Variants in MGST2 observed in about 807,000 individuals in gnomAD.
The protein encoded by MGST2 is microsomal glutathione S-transferase 2, also known as glutathione peroxidase MGST2.
Under a neutral mutation model 16.6 loss-of-function variants are expected in MGST2, and 9 were observed. The observed-to-expected ratio is 0.54, with a 90% CI of 0.33 to 0.95. The LOEUF is 0.95. Ranked by LOEUF, MGST2 falls within the 40% of genes least tolerant of loss-of-function variation. The probability of loss-of-function intolerance (pLI) is 0.03; values close to 1 mark genes in which losing one functional copy is unlikely to be tolerated. For missense variants in MGST2, 159 were observed against 175.1 expected (o/e 0.91, Z 0.52); for synonymous variants, 79 against 68.0 (o/e 1.16, Z -0.79).
At chr4:139,722,755 G>T (rs76353954) in intron 5 of MGST2, among the ~76,000 whole-genome samples, 3 of 152,068 alleles carry the variant, frequency 2.0e-5, no homozygotes, top group African/African-American at 7.2e-5. Context: ...TGAGAGTATG[G>T]GATAGGTTCT....
downstream of MGST2, chr4:139,740,847 C>T (rs1397583040): frequency 3.9e-5 from 6 of 152,466 alleles, no homozygotes; most frequent in East Asian, 1.2e-3. Flanking sequence ...CCGCCACAGC[C>T]TTGGGAGGGG....
intron 2 of MGST2, 74 bp downstream of exon 2, chr4:139,678,716 G>A (rs1731089011): frequency 8.6e-7 from 1 of 1,168,342 alleles, no homozygotes; most frequent in African/African-American, 1.5e-5. Context: ...AGGGGAAAGG[G>A]ATATGGAGAA....
chr4:139,726,927 A>G (rs191818472), intron 5 of MGST2, among the ~76,000 whole-genome samples: 13 of 152,200 alleles, frequency 8.5e-5, no homozygotes, highest in African/African-American at 3.1e-4. Context: ...GCCGTCAAGT[A>G]GCTTGCGTGA....
intron 2 of MGST2, among the ~76,000 whole-genome samples, chr4:139,683,425 G>T (rs969194589): frequency 6.6e-5 from 10 of 152,172 alleles, no homozygotes; most frequent in Non-Finnish European, 1.2e-4. Flanking sequence ...TTTTGGGGAA[G>T]TATTAGGAGG....
intron 2 of MGST2, among the ~76,000 whole-genome samples, chr4:139,688,159 C>G (rs765384663): frequency 6.6e-6 from 1 of 152,212 alleles, no homozygotes; most frequent in Non-Finnish European, 1.5e-5. Context: ...TGCTGAAAGA[C>G]CATTATTAAG....
At chr4:139,730,844 G>A in intron 5 of MGST2, 1 of 619,830 alleles carries the variant, frequency 1.6e-6, no homozygotes, top group Non-Finnish European at 2.8e-6. Flanking sequence ...CCTTACCTGA[G>A]TAGAATGAGA....
chr4:139,746,669 G>A, the MGST2 span, among the ~76,000 whole-genome samples: 60 of 152,220 alleles, frequency 3.9e-4, 1 homozygote, highest in Admixed American at 3.7e-3. Flanking sequence ...TTCCGCAGAC[G>A]TTTGACACTG....
At position 139,735,151 on chromosome 4, in the gene MGST2, A is replaced by G. The variant is rs1728884345; in HGVS notation, c.*49-5061A>G. ...TCAAGTGTTACTGCGTACAGCAGGT[A>G]GCCTGGCAACTGAGAGCACAATACC... is the stretch of plus-strand genomic sequence containing the variant. On this transcript the variant is annotated intron_variant, in intron 5 of 5. Coordinates refer to the MGST2 transcript ENST00000616265. The surrounding 1 kb of genome is among the most constrained non-coding windows in gnomAD (Gnocchi z 5.8). Among the ~76,000 whole-genome samples the G allele has an allele frequency of 6.6e-6, 1 of 152,246 alleles. No individual in the cohort carries two copies. Among genetic ancestry groups the G allele is most frequent in the African/African-American group, 2.4e-5 (1 of 41,474 alleles).
intron 1 of MGST2, among the ~76,000 whole-genome samples, chr4:139,672,791 T>C (rs57694939): frequency 0.15 from 22,949 of 152,090 alleles, 1,988 homozygotes; most frequent in East Asian, 0.35. Context: ...CCTCAAGTGA[T>C]CCACTAGCCT....
At position 139,678,591 on chromosome 4, in the gene MGST2, C is replaced by T. The variant is rs762855354; in HGVS notation, c.107C>T (p.Thr36Met). Residue 36 changes from threonine (T) to methionine (M), a missense_variant, in exon 2 of 5, where the codon ACG becomes ATG. Transcript: ENST00000265498. ...VGKARLKYKV[T>M]PPAVTGSPEF... is the part of the protein sequence containing the mutation. Reference sequence around the variant, plus strand: ...AAGGCAAGATTAAAATACAAAGTTACGCCCCCAGCAGTCACTGGGTCACCA... The same window carrying T: ...AAGGCAAGATTAAAATACAAAGTTATGCCCCCAGCAGTCACTGGGTCACCA... The T allele has an allele frequency of 4.5e-5, 72 of 1,613,980 alleles. No individual in the cohort carries two copies. The highest frequency in any genetic ancestry group is 5.3e-5 in the African/African-American group (4 of 74,910).
intron 1 of MGST2, among the ~76,000 whole-genome samples, chr4:139,667,569 A>G (rs921071521): frequency 3.3e-5 from 5 of 152,092 alleles, no homozygotes; most frequent in African/African-American, 1.2e-4. Flanking sequence ...TTTAATGACA[A>G]GGTGTTAGGG....
At chr4:139,738,912 T>A (rs1019283127) in intron 5 of MGST2, among the ~76,000 whole-genome samples, 1 of 152,230 alleles carries the variant, frequency 6.6e-6, no homozygotes, top group Non-Finnish European at 1.5e-5. Flanking sequence ...CACCTACTGA[T>A]TCTTAACTAA....
intron 5 of MGST2, among the ~76,000 whole-genome samples, chr4:139,733,736 G>A (rs1230350347): frequency 6.6e-6 from 1 of 152,168 alleles, no homozygotes; most frequent in Admixed American, 6.5e-5. Context: ...CCAGGCTGGG[G>A]TGCAGTGGTA....
At chr4:139,722,409 A>G (rs1728272745) in intron 5 of MGST2, among the ~76,000 whole-genome samples, 1 of 152,206 alleles carries the variant, frequency 6.6e-6, no homozygotes, top group African/African-American at 2.4e-5. Flanking sequence ...GTGTCCAAGG[A>G]ATTAACTTGT....
intron 2 of MGST2, among the ~76,000 whole-genome samples, chr4:139,694,264 G>A (rs949741405): frequency 2.0e-5 from 3 of 151,524 alleles, no homozygotes; most frequent in African/African-American, 4.8e-5. Context: ...AACAACCAGC[G>A]TCATCTATTT....
chr4:139,739,508 C>T (rs1204277798), intron 5 of MGST2, among the ~76,000 whole-genome samples: 2 of 152,110 alleles, frequency 1.3e-5, no homozygotes, highest in African/African-American at 4.8e-5. Context: ...AGCAATTCTA[C>T]ATTGGTTAAA....
At chr4:139,676,696 G>A (rs1384578454) in intron 1 of MGST2, among the ~76,000 whole-genome samples, 2 of 152,182 alleles carry the variant, frequency 1.3e-5, no homozygotes, top group Admixed American at 6.5e-5. Flanking sequence ...ACTAGGCACC[G>A]TATGCTAGCC....
At chr4:139,730,530 C>T in intron 5 of MGST2, 1 of 1,568,606 alleles carries the variant, frequency 6.4e-7, no homozygotes, top group Admixed American at 1.9e-5. Flanking sequence ...GCATCTGCTT[C>T]ATGATGGCTG....
chr4:139,686,190 T>C (rs1027491027), intron 2 of MGST2, among the ~76,000 whole-genome samples: 8 of 152,196 alleles, frequency 5.3e-5, no homozygotes, highest in Admixed American at 2.6e-4. Flanking sequence ...TTCCAGCTTA[T>C]AGGTAGATTT....
Sources: allele counts gnomAD v4.1 joint callset (sites outside exome capture counted in the v4.1 genomes callset), GRCh38; gene constraint gnomAD v4.1.1; non-coding constraint Gnocchi (gnomAD v3.1); transcripts MANE v1.5; gene names NCBI Gene and HGNC (gene_info 2026-07-23, HGNC 2026-07-21).